The following G3BP1 variants were observed in gnomAD, a reference collection of about 807,000 sequenced individuals.
G3BP1 encodes ras GTPase-activating protein-binding protein 1.
A neutral mutation model predicts 58.6 loss-of-function variants in G3BP1; 35 were observed. The ratio of observed to expected loss-of-function variants is 0.60; its 90% CI spans 0.46 to 0.79. The LOEUF (loss-of-function observed/expected upper bound fraction) is 0.79. G3BP1 is among the 30% of genes least tolerant of loss of function. G3BP1 has a pLI of 0.00. For synonymous variants in G3BP1, 191 were observed against 195.4 expected (o/e 0.98, Z 0.19); for missense variants, 523 against 580.8 (o/e 0.90, Z 1.02).
chr5:151,782,849 CTTTTTTTTTTT>C (rs796501774), intron 1 of G3BP1, among the ~76,000 whole-genome samples: 1,194 of 74,002 alleles, frequency 0.016, 22 homozygotes, highest in African/African-American at 0.061. Context: ...TGTGACTCAT[CTTTTTTTTTTT>C]TTTTTTTTTT....
At position 151,787,780 on chromosome 5, in the gene G3BP1, C is replaced by T. The variant is rs1435349235; in HGVS notation, c.95+1065C>T. On this transcript the variant is annotated intron_variant, in intron 2 of 11. Transcript: ENST00000356245. ...CCTTGACCAGCTTGCATATTGGATA[C>T]CACATGATTATCAGGTATAAAATAA... is the stretch of plus-strand genomic sequence containing the variant. 2.6e-5 allele frequency: 7 copies of T among 270,590 alleles called. No individual in the cohort carries two copies. The East Asian group carries it at 7.3e-4, about 28-fold the overall frequency. The allele number at this position is 270,590 out of a possible 1,614,324, so 16.8% of individuals were successfully genotyped here. A position where few individuals can be genotyped will look rare whatever the true frequency, so the allele number is the denominator to read the frequency against.
intron 4 of G3BP1, chr5:151,792,025 T>TA (rs1762667644): frequency 2.2e-6 from 1 of 445,610 alleles, no homozygotes; most frequent in Non-Finnish European, 4.5e-6. Flanking sequence ...CTTGAACACT[T>TA]ATGGCAAAAT....
intron 11 of G3BP1, among the ~76,000 whole-genome samples, chr5:151,803,522 T>C (rs1172728093): frequency 6.6e-6 from 1 of 151,924 alleles, no homozygotes; most frequent in African/African-American, 2.4e-5. Flanking sequence ...AGTCGGAGTC[T>C]CGCTCTTTTT....
intron 4 of G3BP1, 153 bp downstream of exon 4, chr5:151,791,215 C>G (rs976656689): frequency 1.6e-6 from 1 of 611,542 alleles, no homozygotes; most frequent in African/African-American, 1.8e-5. Flanking sequence ...TTACCTAGAG[C>G]AGCTGTCACC....
At chr5:151,797,512 T>C in intron 7 of G3BP1, 84 bp downstream of exon 7, 1 of 1,400,230 alleles carries the variant, frequency 7.1e-7, no homozygotes, top group East Asian at 2.5e-5. Flanking sequence ...GCTGTTTGGT[T>C]GACTTGTAGA....
At chr5:151,796,876 C>T (rs1204002222) in intron 6 of G3BP1, among the ~76,000 whole-genome samples, 1 of 151,430 alleles carries the variant, frequency 6.6e-6, no homozygotes, top group East Asian at 1.9e-4. Context: ...TGAATGGCAA[C>T]TTTCTTTCCC....
chr5:151,807,110 A>T lies in G3BP1; in HGVS notation c.*3019A>T, dbSNP rs1039812474. On this transcript the variant is annotated 3_prime_UTR_variant, in exon 12 of 12. Transcript: ENST00000356245. The stretch of plus-strand genomic sequence containing the variant: ...TCAGATATTGCTAGGGACCAGTGAG[A>T]TAGATAATCCAAAAATAATAATTTG... The T allele has an allele frequency of 6.6e-6, 1 of 152,176 alleles. No homozygotes were observed. Among genetic ancestry groups the T allele is most frequent in the Non-Finnish European group, 1.5e-5 (1 of 68,032 alleles). 9.4% of individuals were successfully genotyped at this position (152,176 alleles called of 1,614,324 possible).
At chr5:151,772,939 G>A (rs778451528) in intron 1 of G3BP1, among the ~76,000 whole-genome samples, 7 of 152,236 alleles carry the variant, frequency 4.6e-5, no homozygotes, top group East Asian at 1.9e-4. Flanking sequence ...TTGGAAGTGG[G>A]AATGTGACAA....
rs1762939667 is a variant in G3BP1 at position 151,806,460 on chromosome 5, T to G, written c.*2369T>G. 1 of 152,172 alleles carries G rather than the reference T, an allele frequency of 6.6e-6. No homozygotes were observed. Among genetic ancestry groups the G allele is most frequent in the South Asian group, 2.1e-4 (1 of 4,832 alleles). The allele number at this position is 152,172 out of a possible 1,614,324, so 9.4% of individuals were successfully genotyped here. A position where few individuals can be genotyped will look rare whatever the true frequency, so the allele number is the denominator to read the frequency against. ...CTCAGAAAATAGAAAGCTTCCCCAGTGCTTTCTGTCATCAGAGTTGGGATG... is the reference window on the plus strand; with the variant it reads ...CTCAGAAAATAGAAAGCTTCCCCAGGGCTTTCTGTCATCAGAGTTGGGATG... On this transcript the variant is annotated 3_prime_UTR_variant, in exon 12 of 12. Coordinates refer to ENST00000356245, the MANE Select transcript of G3BP1 (RefSeq NM_005754.3).
chr5:151,811,643 A>G lies in G3BP1; in HGVS notation c.*7552A>G, dbSNP rs1193912182. 6.6e-6 allele frequency: 1 copy of G among 151,858 alleles called. No homozygotes were observed. The highest frequency in any genetic ancestry group is 2.4e-5 in the African/African-American group (1 of 41,396). The allele number at this position is 151,858 out of a possible 1,614,324, so 9.4% of individuals were successfully genotyped here. A position where few individuals can be genotyped will look rare whatever the true frequency, so the allele number is the denominator to read the frequency against. On this transcript the variant is annotated 3_prime_UTR_variant, in exon 12 of 12. Coordinates refer to ENST00000356245, the MANE Select transcript of G3BP1 (RefSeq NM_005754.3). ...CAGAAATAGATTTTTTTTTTTTACAAGCCAAAAAATAACTGCCATAACTTT... is the reference window on the plus strand; with the variant it reads ...CAGAAATAGATTTTTTTTTTTTACAGGCCAAAAAATAACTGCCATAACTTT...
At chr5:151,800,890 ATTTTTT>A in intron 11 of G3BP1, 21 bp downstream of exon 11, 2 of 836,582 alleles carry the variant, frequency 2.4e-6, no homozygotes, top group Non-Finnish European at 1.9e-6. Context: ...TTTTGTCTTG[ATTTTTT>A]TTTTTTTTTT....
rs770560655 is a variant in G3BP1 at position 151,803,950 on chromosome 5, A to T, written c.1260A>T (p.Glu420Asp). Residue 420 changes from glutamate to aspartate, a missense_variant, in exon 12 of 12, where the codon GAA becomes GAT. This residue lies in a region of G3BP1 where 125 missense variants were observed against 181.7 expected (regional missense o/e 0.69). Coordinates refer to ENST00000356245, the MANE Select transcript of G3BP1 (RefSeq NM_005754.3). ...VEEKKTRAAR[E>D]GDRRDNRLRG... The stretch of plus-strand genomic sequence containing the variant: ...AGAAGAAGACTCGAGCTGCCAGGGA[A>T]GGCGACCGACGAGATAATCGCCTTC... The T allele has an allele frequency of 6.2e-7, 1 of 1,614,044 alleles. No individual in the cohort carries two copies.
At chr5:151,803,492 CT>C (rs1232350032) in intron 11 of G3BP1, among the ~76,000 whole-genome samples, 7 of 151,906 alleles carry the variant, frequency 4.6e-5, no homozygotes, top group Non-Finnish European at 7.4e-5. Flanking sequence ...TTATAATCTG[CT>C]GGTTCTTTTT....
chr5:151,781,029 T>A (rs1762462194), intron 1 of G3BP1, among the ~76,000 whole-genome samples: 1 of 151,926 alleles, frequency 6.6e-6, no homozygotes, highest in South Asian at 2.1e-4. Flanking sequence ...TATTGGAAAA[T>A]TTTTTTTGGA....
rs1056090473 is a variant in G3BP1, at chr5:151,811,388, C to G, written c.*7297C>G. On this transcript the variant is annotated 3_prime_UTR_variant, in exon 12 of 12. Coordinates refer to ENST00000356245, the MANE Select transcript of G3BP1 (RefSeq NM_005754.3). ...CTCATTTCTCGACATAAAGCCTTGT[C>G]TAAAGTGAGATGTTTTCCAGGTCAT... 14 of 152,136 alleles carry G rather than the reference C, an allele frequency of 9.2e-5. No homozygotes were observed. The highest frequency in any genetic ancestry group is 1.6e-4 in the Non-Finnish European group (11 of 68,026). The allele number at this position is 152,136 out of a possible 1,614,324, so 9.4% of individuals were successfully genotyped here. A position where few individuals can be genotyped will look rare whatever the true frequency, so the allele number is the denominator to read the frequency against.
intron 7 of G3BP1, among the ~76,000 whole-genome samples, chr5:151,797,654 G>A (rs1275952449): frequency 6.6e-6 from 1 of 152,160 alleles, no homozygotes; most frequent in African/African-American, 2.4e-5. Context: ...GAGGTAACTT[G>A]AATGCCTGTT....
At position 151,809,150 on chromosome 5, in the gene G3BP1, T is replaced by G. The variant is rs933090709; in HGVS notation, c.*5059T>G. Reference sequence around the variant, plus strand: ...ATGATCATACCACTGCACTCTAACCTGGGTGACAGAGTGAGACCCTGTCTC... The same window carrying G: ...ATGATCATACCACTGCACTCTAACCGGGGTGACAGAGTGAGACCCTGTCTC... On this transcript the variant is annotated 3_prime_UTR_variant, in exon 12 of 12. Coordinates refer to ENST00000356245, the MANE Select transcript of G3BP1 (RefSeq NM_005754.3). 2 of 152,238 alleles carry G rather than the reference T, an allele frequency of 1.3e-5. No individual in the cohort carries two copies. Among genetic ancestry groups the G allele is most frequent in the Admixed American group, 1.3e-4 (2 of 15,280 alleles). 9.4% of individuals were successfully genotyped at this position (152,238 alleles called of 1,614,324 possible).
intron 1 of G3BP1, among the ~76,000 whole-genome samples, chr5:151,776,984 T>C (rs1469468096): frequency 6.6e-6 from 1 of 152,048 alleles, no homozygotes; most frequent in Non-Finnish European, 1.5e-5. Flanking sequence ...TTTCATTAAT[T>C]ACCAGGTATT....
chr5:151,799,732 T>C (rs535816737), intron 8 of G3BP1, among the ~76,000 whole-genome samples, 157 bp from the exon 9 acceptor site: 1 of 151,740 alleles, frequency 6.6e-6, no homozygotes, highest in African/African-American at 2.4e-5. Context: ...AACTGACATA[T>C]AGGACGGAAG....
Sources: gnomAD v4.1 joint callset for allele counts (sites outside exome capture counted in the v4.1 genomes callset) on GRCh38, gnomAD v4.1.1 for gene constraint, gnomAD v4.1.1 regional missense constraint, MANE v1.5 for transcripts, NCBI Gene and HGNC (gene_info 2026-07-23, HGNC 2026-07-21) for gene names.